The following AUTS2 variants were observed in gnomAD, a reference collection of about 807,000 sequenced individuals.
AUTS2 encodes autism susceptibility gene 2 protein.
Under a neutral mutation model 112.4 loss-of-function variants are expected in AUTS2, and 17 were observed. The observed-to-expected ratio is 0.15, with a 90% CI of 0.10 to 0.23. The LOEUF (loss-of-function observed/expected upper bound fraction) is 0.23. Ranked by LOEUF, AUTS2 falls within the 10% of genes least tolerant of loss-of-function variation. AUTS2 has a pLI of 1.00. For synonymous variants in AUTS2, 751 were observed against 702.7 expected (o/e 1.07, Z -1.09); for missense variants, 1,510 against 1,701.6 (o/e 0.89, Z 1.98).
At chr7:70,731,910 A>G (rs991458841) in intron 6 of AUTS2, among the ~76,000 whole-genome samples, 2 of 152,190 alleles carry the variant, frequency 1.3e-5, no homozygotes, top group African/African-American at 4.8e-5. Flanking sequence ...TTTCCGAGGA[A>G]TAAGGGTAAT....
At chr7:69,705,132 G>T (rs1191520592) in intron 1 of AUTS2, among the ~76,000 whole-genome samples, 1 of 152,226 alleles carries the variant, frequency 6.6e-6, no homozygotes, top group Non-Finnish European at 1.5e-5. Context: ...CTCCCACAGT[G>T]TTGGGATTAC....
chr7:70,606,967 C>G (rs571574622), intron 5 of AUTS2, among the ~76,000 whole-genome samples: 4 of 152,192 alleles, frequency 2.6e-5, no homozygotes, highest in African/African-American at 7.2e-5. Context: ...GGGGAGACAG[C>G]TAGGTGTGGA....
intron 4 of AUTS2, among the ~76,000 whole-genome samples, chr7:70,208,759 G>A (rs968160813): frequency 6.6e-6 from 1 of 151,826 alleles, no homozygotes; most frequent in Admixed American, 6.6e-5. Context: ...TTTGCAGGTT[G>A]TTGGGAGGAG....
At chr7:69,639,674 C>G (rs1794713373) in intron 1 of AUTS2, among the ~76,000 whole-genome samples, 1 of 152,228 alleles carries the variant, frequency 6.6e-6, no homozygotes, top group Non-Finnish European at 1.5e-5. Context: ...AGGCTTCCGT[C>G]TTGCTCCCTT....
chr7:70,657,180 C>G (rs565009624), intron 5 of AUTS2, among the ~76,000 whole-genome samples: 1 of 152,320 alleles, frequency 6.6e-6, no homozygotes, highest in East Asian at 1.9e-4. Flanking sequence ...AGTCAGCATT[C>G]TCTGCAGATG....
intron 1 of AUTS2, among the ~76,000 whole-genome samples, chr7:69,634,818 G>T (rs1794441735): frequency 6.6e-6 from 1 of 152,184 alleles, no homozygotes; most frequent in African/African-American, 2.4e-5. Context: ...CTGAATTCCA[G>T]CTGCTGCCAT....
intron 5 of AUTS2, among the ~76,000 whole-genome samples, chr7:70,614,475 G>A (rs1033760160): frequency 1.3e-5 from 2 of 152,178 alleles, no homozygotes; most frequent in African/African-American, 4.8e-5. Context: ...GGTGCTAAGT[G>A]GAGGTGTGGG....
chr7:70,193,919 A>G (rs567549547), intron 4 of AUTS2, among the ~76,000 whole-genome samples: 1 of 152,360 alleles, frequency 6.6e-6, no homozygotes, highest in East Asian at 1.9e-4. Flanking sequence ...TTCTCAATGA[A>G]TAATGAATTT....
intron 5 of AUTS2, among the ~76,000 whole-genome samples, chr7:70,578,785 C>T (rs932987330): frequency 6.6e-6 from 1 of 152,114 alleles, no homozygotes; most frequent in African/African-American, 2.4e-5. Context: ...TTTGGTAAGA[C>T]ATATTCTCCA....
chr7:69,717,328 T>C (rs1401851008), intron 1 of AUTS2, among the ~76,000 whole-genome samples: 2 of 152,368 alleles, frequency 1.3e-5, no homozygotes, highest in Non-Finnish European at 1.5e-5. Flanking sequence ...GAGCAGCTGC[T>C]GGCTCTGGCT....
At chr7:69,674,355 G>A (rs1796463103) in intron 1 of AUTS2, among the ~76,000 whole-genome samples, 1 of 152,162 alleles carries the variant, frequency 6.6e-6, no homozygotes, top group Non-Finnish European at 1.5e-5. Flanking sequence ...GTTAAGACCA[G>A]GGGCTCTGGA....
intron 4 of AUTS2, among the ~76,000 whole-genome samples, chr7:70,418,500 G>A (rs1229873730): frequency 1.3e-5 from 2 of 152,112 alleles, no homozygotes; most frequent in Non-Finnish European, 2.9e-5. Context: ...ATCCAAATAC[G>A]TATCTTTCTA....
intron 4 of AUTS2, among the ~76,000 whole-genome samples, chr7:70,275,036 A>G (rs1410526325): frequency 6.6e-6 from 1 of 152,210 alleles, no homozygotes; most frequent in Non-Finnish European, 1.5e-5. Context: ...TGGTATATCC[A>G]TAGAACAGAA....
At chr7:69,602,789 A>G (rs1583920752) in intron 1 of AUTS2, among the ~76,000 whole-genome samples, 1 of 152,346 alleles carries the variant, frequency 6.6e-6, no homozygotes, top group East Asian at 1.9e-4. Flanking sequence ...ACACAATGGG[A>G]AATAGAAATC....
chr7:70,413,656 A>G (rs1170029376), intron 4 of AUTS2, among the ~76,000 whole-genome samples: 1 of 148,038 alleles, frequency 6.8e-6, no homozygotes, highest in Non-Finnish European at 1.5e-5. Flanking sequence ...CCTAAGCACA[A>G]TTTCTTTTCT....
At chr7:69,602,249 A>T (rs1176935435) in intron 1 of AUTS2, among the ~76,000 whole-genome samples, 1 of 152,102 alleles carries the variant, frequency 6.6e-6, no homozygotes, top group African/African-American at 2.4e-5. Flanking sequence ...TTAAAAGCAG[A>T]CCAAGTTCAA....
chr7:70,499,745 G>A (rs897936525), intron 5 of AUTS2, among the ~76,000 whole-genome samples: 3 of 152,282 alleles, frequency 2.0e-5, no homozygotes, highest in Admixed American at 2.0e-4. Context: ...ACTATAAGAT[G>A]GTTAAGTTAA....
chr7:69,862,483 G>A (rs1793033023), intron 1 of AUTS2, among the ~76,000 whole-genome samples: 2 of 152,160 alleles, frequency 1.3e-5, no homozygotes, highest in African/African-American at 4.8e-5. Context: ...CGCCCAGTCA[G>A]ACACAAAGGT....
intron 2 of AUTS2, among the ~76,000 whole-genome samples, chr7:70,013,631 A>G (rs1799900352): frequency 6.6e-6 from 1 of 152,208 alleles, no homozygotes; most frequent in East Asian, 1.9e-4. Context: ...TTGCAAATTT[A>G]CTGTCTGCCA....
Sources: gnomAD v4.1 joint callset for allele counts (sites outside exome capture counted in the v4.1 genomes callset) on GRCh38, gnomAD v4.1.1 for gene constraint, MANE v1.5 for transcripts, NCBI Gene and HGNC (gene_info 2026-07-23, HGNC 2026-07-21) for gene names.